The following GCKR variants were observed in gnomAD, a reference collection of about 807,000 sequenced individuals.
GCKR encodes the protein glucokinase regulatory protein.
In GCKR, 73 loss-of-function variants were observed where a neutral mutation model predicts 82.9. That is an observed-to-expected ratio of 0.88 (90% CI 0.73 to 1.07). The LOEUF (loss-of-function observed/expected upper bound fraction) is 1.07. Ranked by LOEUF, GCKR falls within the 50% of genes least tolerant of loss-of-function variation. The pLI is 0.00. For synonymous variants in GCKR, 294 were observed against 291.8 expected (o/e 1.01, Z -0.08); for missense variants, 784 against 782.1 (o/e 1.00, Z -0.03).
At chr2:27,504,012 C>T (rs1669646396) in intron 9 of GCKR, among the ~76,000 whole-genome samples, 1 of 152,190 alleles carries the variant, frequency 6.6e-6, no homozygotes, top group African/African-American at 2.4e-5. Context: ...ATTCTTCTGC[C>T]TTTCTAAATC....
chr2:27,503,738 G>A, intron 9 of GCKR, 119 bp downstream of exon 9: 1 of 697,422 alleles, frequency 1.4e-6, no homozygotes, highest in Non-Finnish European at 2.6e-6. Context: ...CTGAGGTATT[G>A]TGAGTCAGCT....
intron 9 of GCKR, among the ~76,000 whole-genome samples, chr2:27,505,231 C>T (rs995488069): frequency 1.4e-5 from 2 of 141,450 alleles, no homozygotes; most frequent in Admixed American, 7.3e-5. Context: ...CCCATCTCTA[C>T]TAAAGATACA....
Position 27,499,160 on chromosome 2 carries a change from G to A in GCKR, c.447G>A (p.Arg149=), listed in dbSNP as rs766995710. 1 of 1,610,406 alleles carries A rather than the reference G, an allele frequency of 6.2e-7. No homozygotes were observed. The highest frequency in any genetic ancestry group is 1.1e-5 in the South Asian group (1 of 90,978). ...AGGDRSVVAS[R]EGTEDSALHG... ...CTCTTAGGTCTGTGGTGGCCTCTAG[G>A]GAGGGGACAGAAGATAGTGCCTTGC... The change falls in exon 6 of 19, where the codon AGG becomes AGA. Residue 149 remains arginine (R), a synonymous_variant. Coordinates refer to ENST00000264717, the MANE Select transcript of GCKR (RefSeq NM_001486.4).
At chr2:27,517,122 C>T (rs953879331) in intron 16 of GCKR, among the ~76,000 whole-genome samples, 8 of 151,548 alleles carry the variant, frequency 5.3e-5, no homozygotes, top group African/African-American at 1.9e-4. Flanking sequence ...AAGTGATTCT[C>T]CTGCCTCAGC....
intron 18 of GCKR, 64 bp from the exon 19 acceptor site, chr2:27,523,205 C>T (rs980975431): frequency 1.4e-5 from 20 of 1,436,386 alleles, no homozygotes; most frequent in Middle Eastern, 1.7e-4. Context: ...GACCTTCCTC[C>T]GGGGTTCTTT....
In GCKR at chr2:27,523,457, G is replaced by C. The variant is rs761023074; in HGVS notation, c.*18G>C. On this transcript the variant is annotated 3_prime_UTR_variant, in exon 19 of 19. Transcript: ENST00000264717. ...TTCAGTGAACCCATGTTTCTGGGTG[G>C]GTGAAAGGGGCCCAACCCTGCCCAC... 4 of 1,601,576 alleles carry C rather than the reference G, an allele frequency of 2.5e-6. 1 individual carries two copies. The South Asian group carries it at 4.4e-5, about 18-fold the overall frequency.
chr2:27,513,947 G>GTA (rs1491089086), intron 16 of GCKR, among the ~76,000 whole-genome samples: 2 of 141,828 alleles, frequency 1.4e-5, no homozygotes, highest in Non-Finnish European at 3.0e-5. Flanking sequence ...GTGTGTGTGT[G>GTA]TAACAATAGT....
intron 16 of GCKR, chr2:27,509,630 C>G (rs969486276): frequency 5.9e-6 from 2 of 336,828 alleles, no homozygotes; most frequent in African/African-American, 4.2e-5. Context: ...GCGTGAGCCA[C>G]TACGCCTAGC....
Position 27,497,303 on chromosome 2 carries a change from T to G in GCKR, c.120T>G (p.Asp40Glu). The change falls in exon 2 of 19, where the codon GAT becomes GAG. Residue 40 changes from aspartate (D) to glutamate (E), a missense_variant. By Grantham distance (45) the Asp-to-Glu change is conservative. Coordinates refer to ENST00000264717, the MANE Select transcript of GCKR (RefSeq NM_001486.4). ...AGAAGTCAAACCCACTGACCCAGGA[T>G]CTAGACAAAGCAGATGCTGAGAACA... Reference protein sequence around the residue: ...ITEKSNPLTQDLDKADAENIV... With the variant: ...ITEKSNPLTQELDKADAENIV... 6.2e-7 allele frequency: 1 copy of G among 1,614,064 alleles called. No individual in the cohort carries two copies. Among genetic ancestry groups the G allele is most frequent in the Non-Finnish European group, 8.5e-7 (1 of 1,179,990 alleles).
At chr2:27,497,511 C>T (rs370829124) in intron 2 of GCKR, 51 bp from the exon 3 acceptor site, 2 of 1,556,668 alleles carry the variant, frequency 1.3e-6, no homozygotes, top group African/African-American at 2.7e-5. Context: ...CCCCCTCCCC[C>T]ATTCATCGTC....
rs1239881691 is a variant in GCKR, at chr2:27,515,278, A to G, written c.1423-3510A>G. On this transcript the variant is annotated intron_variant, in intron 16 of 18. Coordinates refer to ENST00000264717, the MANE Select transcript of GCKR (RefSeq NM_001486.4). ...GGCGTGAGCCACCACGCCCAGCCTT[A>G]TTTTATTATTTTTTTGAGACAGGGT... Among the ~76,000 whole-genome samples, 3 of 149,214 alleles carry G rather than the reference A, an allele frequency of 2.0e-5. No homozygotes were observed. The East Asian group carries it at 6.0e-4, about 30-fold the overall frequency.
Position 27,507,747 on chromosome 2 carries a change from G to A in GCKR, c.1210G>A (p.Asp404Asn). The change falls in exon 14 of 19, where the codon GAT (aspartate) becomes AAT (asparagine). Residue 404 changes from aspartate to asparagine, a missense_variant. Physicochemically the swap from Asp to Asn is conservative, Grantham distance 23. Coordinates refer to ENST00000264717, the MANE Select transcript of GCKR (RefSeq NM_001486.4). ...CATCCTTCCCTCTCTCACGGAAATCGATACTGTGGTCTTCATTTTCACCCT... is the reference window on the plus strand; with the variant it reads ...CATCCTTCCCTCTCTCACGGAAATCAATACTGTGGTCTTCATTTTCACCCT... ...TSILPSLTEIDTVVFIFTLDD... is the reference protein window; with the variant it reads ...TSILPSLTEINTVVFIFTLDD... 7 of 1,604,646 alleles carry A rather than the reference G, an allele frequency of 4.4e-6. No homozygotes were observed. The highest frequency in any genetic ancestry group is 2.7e-5 in the African/African-American group (2 of 74,806).
intron 16 of GCKR, among the ~76,000 whole-genome samples, chr2:27,516,439 C>T (rs12472643): frequency 0.1 from 15,444 of 151,478 alleles, 1,339 homozygotes; most frequent in Admixed American, 0.26. Context: ...TACAGGCACG[C>T]GCCACTACAC....
intron 18 of GCKR, among the ~76,000 whole-genome samples, chr2:27,522,999 G>A (rs936037858): frequency 6.6e-6 from 1 of 151,678 alleles, no homozygotes; most frequent in Admixed American, 6.6e-5. Context: ...CCGGGTTCAA[G>A]AGATTCTCTT....
chr2:27,522,368 C>A, intron 17 of GCKR, 92 bp from the exon 18 acceptor site: 4 of 1,289,048 alleles, frequency 3.1e-6, no homozygotes, highest in Non-Finnish European at 1.1e-6. Context: ...GGATCCCAGC[C>A]TCTCACTCTC....
In GCKR at chr2:27,503,564, G is replaced by T; in HGVS notation, c.695G>T (p.Arg232Leu). 3.1e-6 allele frequency: 5 copies of T among 1,611,684 alleles called. 1 individual carries two copies. The South Asian group carries it at 4.4e-5, about 14-fold the overall frequency. Residue 232 changes from arginine (R) to leucine (L), a missense_variant, in exon 9 of 19, where the codon CGG (arginine) becomes CTG (leucine). Coordinates refer to ENST00000264717, the MANE Select transcript of GCKR (RefSeq NM_001486.4). ...TCAACATTCCGACAAGTAGCAGAGC[G>T]GATGCAGAAAATGCAGGAGAAACAG... ...WSSTFRQVAE[R>L]MQKMQEKQKA... is the part of the protein sequence containing the mutation.
chr2:27,506,971 C>G lies in GCKR; in HGVS notation c.1066+86C>G. The G allele has an allele frequency of 1.5e-5, 14 of 907,702 alleles. No homozygotes were observed. In the Admixed American group the frequency reaches 2.4e-4, roughly 15 times the overall value. The allele number at this position is 907,702 out of a possible 1,614,324, so 56.2% of individuals were successfully genotyped here. A position where few individuals can be genotyped will look rare whatever the true frequency, so the allele number is the denominator to read the frequency against. Reference sequence around the variant, plus strand: ...CTCCAAACACTGTCCTACTCCCAACCCATGGGTGTTCCTCAGTGTCCCACC... The same window carrying G: ...CTCCAAACACTGTCCTACTCCCAACGCATGGGTGTTCCTCAGTGTCCCACC... On this transcript the variant is annotated intron_variant, in intron 12 of 18. Transcript: ENST00000264717.
rs766203408 is a variant in GCKR at position 27,497,302 on chromosome 2, A to G, written c.119A>G (p.Asp40Gly). Residue 40 changes from aspartate to glycine, a missense_variant, in exon 2 of 19, where the codon GAT (aspartate) becomes GGT (glycine). Physicochemically the swap from Asp to Gly is moderately conservative, Grantham distance 94. Transcript: ENST00000264717. ...ITEKSNPLTQDLDKADAENIV... is the reference protein window; with the variant it reads ...ITEKSNPLTQGLDKADAENIV... ...GAGAAGTCAAACCCACTGACCCAGG[A>G]TCTAGACAAAGCAGATGCTGAGAAC... 1.2e-6 allele frequency: 2 copies of G among 1,614,060 alleles called. No individual in the cohort carries two copies. Among genetic ancestry groups the G allele is most frequent in the African/African-American group, 1.3e-5 (1 of 74,916 alleles).
Position 27,508,010 on chromosome 2 carries a change from A to G in GCKR, c.1274A>G (p.Gln425Arg). ...ACGGAGGTGCAGACTATAGTGGAGC[A>G]GGTGAAAGAGAAGACCAACCACATC... ...NLTEVQTIVE[Q>R]VKEKTNHIQA... Residue 425 changes from glutamine (Q) to arginine (R), a missense_variant, in exon 15 of 19, where the codon CAG (glutamine) becomes CGG (arginine). Physicochemically the swap from Gln to Arg is conservative, Grantham distance 43. Transcript: ENST00000264717. 6.2e-7 allele frequency: 1 copy of G among 1,613,728 alleles called. No individual in the cohort carries two copies.
Sources: allele counts gnomAD v4.1 joint callset (sites outside exome capture counted in the v4.1 genomes callset), GRCh38; gene constraint gnomAD v4.1.1; transcripts MANE v1.5; gene names NCBI Gene and HGNC (gene_info 2026-07-23, HGNC 2026-07-21).